ELMOD1: variants seen among roughly 807,000 people sequenced by gnomAD.
The protein encoded by ELMOD1 is ELMO domain-containing protein 1.
In ELMOD1, 21 loss-of-function variants were observed where a neutral mutation model predicts 46.7. That is an observed-to-expected ratio of 0.45 (90% confidence interval 0.32 to 0.65). The LOEUF (loss-of-function observed/expected upper bound fraction) is 0.65, where lower values mean the gene tolerates loss of function less well. Among genes scored for constraint, ELMOD1 ranks in the 30% least tolerant of loss-of-function variants. The pLI, the probability that ELMOD1 is intolerant of heterozygous loss-of-function variation, is 0.04. For missense variants in ELMOD1, 348 were observed against 407.8 expected, an observed-to-expected ratio of 0.85 and a Z score of 1.26; for synonymous variants, 122 against 138.2, an observed-to-expected ratio of 0.88 and a Z score of 0.82.
chr11:107,613,533 T>C (rs1332687068), intron 1 of ELMOD1, among the ~76,000 whole-genome samples: 1 of 152,188 alleles, frequency 6.6e-6, no homozygotes, highest in Admixed American at 6.5e-5. Context: ...CTCAGCACAA[T>C]ATTGGACACA....
At chr11:107,600,561 A>C (rs545308920) in intron 1 of ELMOD1, 1 of 152,436 alleles carries the variant, frequency 6.6e-6, no homozygotes, top group East Asian at 1.9e-4. Flanking sequence ...TGCGGTGTTC[A>C]GAAAAGCCAT....
At chr11:107,603,239 T>C (rs1865632464) in intron 1 of ELMOD1, among the ~76,000 whole-genome samples, 1 of 152,214 alleles carries the variant, frequency 6.6e-6, no homozygotes, top group South Asian at 2.1e-4. Flanking sequence ...TAACTACTCC[T>C]ATGAAAACTT....
intron 11 of ELMOD1, among the ~76,000 whole-genome samples, chr11:107,663,174 A>C (rs1866773857): frequency 6.6e-6 from 1 of 152,156 alleles, no homozygotes; most frequent in South Asian, 2.1e-4. Flanking sequence ...GGGGTGACTG[A>C]TACTTCCCGA....
At chr11:107,628,794 T>C (rs1392317972) in intron 2 of ELMOD1, among the ~76,000 whole-genome samples, 1 of 151,750 alleles carries the variant, frequency 6.6e-6, no homozygotes, top group Non-Finnish European at 1.5e-5. Context: ...TACATATTTA[T>C]TATAAAAATG....
At chr11:107,603,362 A>G (rs7112409) in intron 1 of ELMOD1, among the ~76,000 whole-genome samples, 6,191 of 152,220 alleles carry the variant, frequency 0.041, 253 homozygotes, top group East Asian at 0.19. Flanking sequence ...AACATGGCAA[A>G]ACCACATCTC....
rs1426834636 is a variant in ELMOD1, at chr11:107,608,043, AAG to A, written c.-85-10060_-85-10059del. On this transcript the variant is annotated intron_variant, in intron 1 of 11. Coordinates refer to ENST00000265840, the MANE Select transcript of ELMOD1 (RefSeq NM_018712.4). The stretch of plus-strand genomic sequence containing the variant: ...TAAAAAAAAAAAAAAAGAAAAAAAA[AAG>A]AAAAAAAAACTTTGCCTAAACTTTC... Among the ~76,000 whole-genome samples, 454 of 146,972 alleles carry A rather than the reference AAG, an allele frequency of 3.1e-3. 1 individual carries two copies. Among genetic ancestry groups the A allele is most frequent in the African/African-American group, 0.012 (438 of 37,044 alleles).
intron 6 of ELMOD1, among the ~76,000 whole-genome samples, chr11:107,644,407 G>A (rs755751381): frequency 5.9e-5 from 9 of 152,104 alleles, no homozygotes; most frequent in Admixed American, 1.3e-4. Flanking sequence ...CCCACCTACG[G>A]AAATGAAGCG....
chr11:107,623,061 G>C (rs138398319), intron 2 of ELMOD1, among the ~76,000 whole-genome samples: 5,816 of 152,130 alleles, frequency 0.038, 135 homozygotes, highest in South Asian at 0.051. Context: ...TGCCATGTTG[G>C]TGTGCTGTAC....
intron 1 of ELMOD1, among the ~76,000 whole-genome samples, chr11:107,596,804 TTA>T (rs1865498743): frequency 6.6e-6 from 1 of 152,094 alleles, no homozygotes; most frequent in Non-Finnish European, 1.5e-5. Context: ...ATGGGTTGAG[TTA>T]TAGTTTTTAC....
chr11:107,625,687 C>T (rs570642412), intron 2 of ELMOD1, among the ~76,000 whole-genome samples: 10 of 152,196 alleles, frequency 6.6e-5, no homozygotes, highest in South Asian at 2.1e-4. Flanking sequence ...TGATCCATTT[C>T]GAATAATTTA....
intron 1 of ELMOD1, among the ~76,000 whole-genome samples, chr11:107,610,375 C>G (rs536876544): frequency 6.6e-6 from 1 of 151,958 alleles, no homozygotes; most frequent in Non-Finnish European, 1.5e-5. Context: ...ACAAATAAAA[C>G]GTCAATATCT....
At chr11:107,643,055 C>T in intron 6 of ELMOD1, 1 of 230,206 alleles carries the variant, frequency 4.3e-6, no homozygotes, top group South Asian at 5.7e-5. Flanking sequence ...TAAAAAGAAG[C>T]ATGTGGCCAG....
Position 107,650,884 on chromosome 11 carries a change from G to A in ELMOD1, c.624-1G>A. The A allele has an allele frequency of 9.0e-7, 1 of 1,109,542 alleles. No individual in the cohort carries two copies. Among genetic ancestry groups the A allele is most frequent in the Admixed American group, 3.8e-5 (1 of 25,992 alleles). The allele number at this position is 1,109,542 out of a possible 1,614,324, so 68.7% of individuals were successfully genotyped here. ...TAATTTTTTTCTTTGATTACATGAAGGGATATCACTAAAGAAGAAATAAGG... is the reference window on the plus strand; with the variant it reads ...TAATTTTTTTCTTTGATTACATGAAAGGATATCACTAAAGAAGAAATAAGG... On this transcript the variant is annotated splice_acceptor_variant, in intron 8 of 11. Coordinates refer to ENST00000265840, the MANE Select transcript of ELMOD1 (RefSeq NM_018712.4). LOFTEE classifies it high-confidence loss of function.
intron 1 of ELMOD1, chr11:107,591,916 G>C (rs1177480967): frequency 2.0e-6 from 1 of 502,586 alleles, no homozygotes. Context: ...GCTGGGAGGA[G>C]CGGTCGGCTG....
At chr11:107,611,247 AAAG>A (rs1441351446) in intron 1 of ELMOD1, among the ~76,000 whole-genome samples, 3 of 152,134 alleles carry the variant, frequency 2.0e-5, no homozygotes, top group Admixed American at 2.0e-4. Context: ...TAATTAAACT[AAAG>A]AACTTCTGCA....
At chr11:107,631,195 T>C (rs1866129484) in intron 4 of ELMOD1, among the ~76,000 whole-genome samples, 1 of 152,130 alleles carries the variant, frequency 6.6e-6, no homozygotes, top group African/African-American at 2.4e-5. Flanking sequence ...CTTATTAATT[T>C]TGACATCCTG....
At chr11:107,592,524 A>G (rs1187109081) in intron 1 of ELMOD1, 1 of 487,956 alleles carries the variant, frequency 2.0e-6, no homozygotes, top group Non-Finnish European at 4.3e-6. Context: ...TATTGGGATA[A>G]ATGTCTTAAT....
chr11:107,601,526 C>T (rs1213727408), intron 1 of ELMOD1, among the ~76,000 whole-genome samples: 1 of 150,896 alleles, frequency 6.6e-6, no homozygotes, highest in Non-Finnish European at 1.5e-5. Context: ...AGCAATTCTC[C>T]TGCCTCAGCC....
chr11:107,636,791 C>T (rs1432396232), intron 6 of ELMOD1, among the ~76,000 whole-genome samples: 1 of 152,096 alleles, frequency 6.6e-6, no homozygotes, highest in Non-Finnish European at 1.5e-5. Flanking sequence ...GTTTTTCTTC[C>T]TTTTCTCCCT....
Sources: allele counts gnomAD v4.1 joint callset (sites outside exome capture counted in the v4.1 genomes callset), GRCh38; gene constraint gnomAD v4.1.1; transcripts MANE v1.5; gene names NCBI Gene and HGNC (gene_info 2026-07-23, HGNC 2026-07-21).